Variants in TXLNB observed in about 807,000 individuals in gnomAD.
TXLNB encodes beta-taxilin.
TXLNB carries 37 observed loss-of-function variants against 57.4 expected under a neutral mutation model. The ratio of observed to expected loss-of-function variants is 0.64; its 90% CI spans 0.50 to 0.85. TXLNB has a LOEUF of 0.85. Ranked by LOEUF, TXLNB falls within the 40% of genes least tolerant of loss-of-function variation. TXLNB has a pLI of 0.00. For synonymous variants in TXLNB, 302 were observed against 309.6 expected, an observed-to-expected ratio of 0.98 and a Z score of 0.26; for missense variants, 848 against 825.6, an observed-to-expected ratio of 1.03 and a Z score of -0.33.
chr6:139,199,277 G>A, the TXLNB span, among the ~76,000 whole-genome samples: 2 of 152,004 alleles, frequency 1.3e-5, no homozygotes, highest in Non-Finnish European at 2.9e-5. Context: ...TTTTCACTAA[G>A]TTCTTTCTCC....
intron 2 of TXLNB, among the ~76,000 whole-genome samples, chr6:139,279,955 G>A (rs936785045): frequency 6.6e-6 from 1 of 152,178 alleles, no homozygotes; most frequent in Non-Finnish European, 1.5e-5. Flanking sequence ...TTATTGGAAG[G>A]TGGAGAAATT....
chr6:139,257,307 C>A (rs1562276755), intron 6 of TXLNB, among the ~76,000 whole-genome samples: 1 of 152,084 alleles, frequency 6.6e-6, no homozygotes, highest in African/African-American at 2.4e-5. Context: ...TATAGCTACT[C>A]ATATCTAGTT....
At chr6:139,301,015 T>C in the TXLNB span, among the ~76,000 whole-genome samples, 1 of 152,182 alleles carries the variant, frequency 6.6e-6, no homozygotes, top group Non-Finnish European at 1.5e-5. Context: ...TCTGTATAAA[T>C]TTGGAATTGT....
the TXLNB span, chr6:139,166,660 T>G: frequency 6.2e-7 from 1 of 1,613,716 alleles, no homozygotes; most frequent in African/African-American, 1.3e-5. Context: ...GGCCTCCTGG[T>G]GAGGCGGCGG....
chr6:139,275,035 C>T (rs541384956), intron 3 of TXLNB, among the ~76,000 whole-genome samples: 41 of 152,290 alleles, frequency 2.7e-4, no homozygotes, highest in Non-Finnish European at 4.9e-4. Flanking sequence ...TACACTGATA[C>T]TTGCTTTGTG....
chr6:139,209,155 C>A, the TXLNB span, among the ~76,000 whole-genome samples: 3 of 152,084 alleles, frequency 2.0e-5, no homozygotes, highest in Non-Finnish European at 2.9e-5. Context: ...AATGACCAAG[C>A]TGAGAATCAA....
chr6:139,193,840 A>ATATATATATAT, the TXLNB span, among the ~76,000 whole-genome samples: 8 of 85,228 alleles, frequency 9.4e-5, no homozygotes, highest in Non-Finnish European at 1.7e-4. Context: ...ATATATATAT[A>ATATATATATAT]TTTTTTTTTT....
At chr6:139,212,103 A>G in the TXLNB span, among the ~76,000 whole-genome samples, 52 of 152,342 alleles carry the variant, frequency 3.4e-4, 1 homozygote, top group African/African-American at 1.2e-3. Flanking sequence ...GCAGGCCAAC[A>G]TTCAAATTCA....
the TXLNB span, among the ~76,000 whole-genome samples, chr6:139,228,217 C>T: frequency 6.6e-6 from 1 of 152,080 alleles, no homozygotes; most frequent in Admixed American, 6.6e-5. Flanking sequence ...ACCATACCCT[C>T]TTAAAAAGGG....
the TXLNB span, among the ~76,000 whole-genome samples, chr6:139,211,054 G>T: frequency 6.6e-6 from 1 of 152,224 alleles, no homozygotes; most frequent in Non-Finnish European, 1.5e-5. Context: ...ACCTCTGGGG[G>T]CAGGGCACAG....
the TXLNB span, among the ~76,000 whole-genome samples, chr6:139,310,842 T>C: frequency 6.6e-6 from 1 of 152,152 alleles, no homozygotes; most frequent in Non-Finnish European, 1.5e-5. Flanking sequence ...TTACAGGCAC[T>C]GGCCACCATG....
intron 5 of TXLNB, among the ~76,000 whole-genome samples, chr6:139,260,711 T>C (rs949658901): frequency 5.3e-5 from 8 of 152,182 alleles, no homozygotes; most frequent in African/African-American, 1.7e-4. Flanking sequence ...ACAATATTTT[T>C]CTACGTTTGG....
At chr6:139,177,086 A>G in the TXLNB span, 18 of 858,326 alleles carry the variant, frequency 2.1e-5, no homozygotes, top group Admixed American at 1.0e-4. The surrounding 1 kb of genome is among the most constrained non-coding windows in gnomAD (Gnocchi z 4.9). Flanking sequence ...TCCTCCTTCA[A>G]AGTTCTCGAA....
chr6:139,244,747 C>A, intron 8 of TXLNB, 57 bp from the exon 9 acceptor site: 2 of 1,202,728 alleles, frequency 1.7e-6, no homozygotes, highest in African/African-American at 3.0e-5. Context: ...ATCAAGGAAG[C>A]TATTAGCTCC....
chr6:139,296,963 T>C (rs557692702), upstream of TXLNB, among the ~76,000 whole-genome samples: 13 of 152,312 alleles, frequency 8.5e-5, no homozygotes, highest in East Asian at 1.9e-3. Context: ...CCTGCTTTAC[T>C]GCCAATTTCA....
the TXLNB span, among the ~76,000 whole-genome samples, chr6:139,222,785 T>G: frequency 6.6e-6 from 1 of 152,060 alleles, no homozygotes; most frequent in African/African-American, 2.4e-5. Context: ...CCAGCCTGGG[T>G]GACAAAGCAA....
chr6:139,308,955 T>C, the TXLNB span, among the ~76,000 whole-genome samples: 1 of 152,204 alleles, frequency 6.6e-6, no homozygotes. Context: ...AGGATAAGTC[T>C]TGGTGATGGG....
the TXLNB span, among the ~76,000 whole-genome samples, chr6:139,306,008 C>T: frequency 1.3e-5 from 2 of 152,092 alleles, no homozygotes; most frequent in African/African-American, 4.8e-5. Flanking sequence ...GAAAATAGCC[C>T]TGATTGTAGC....
At chr6:139,299,116 C>G in the TXLNB span, among the ~76,000 whole-genome samples, 23 of 152,306 alleles carry the variant, frequency 1.5e-4, no homozygotes, top group Non-Finnish European at 1.9e-4. Flanking sequence ...TATTGAAACA[C>G]AAACAGACTA....
Sources: gnomAD v4.1 joint callset for allele counts (sites outside exome capture counted in the v4.1 genomes callset) on GRCh38, gnomAD v4.1.1 for gene constraint, Gnocchi (gnomAD v3.1) non-coding constraint, MANE v1.5 for transcripts, NCBI Gene and HGNC (gene_info 2026-07-23, HGNC 2026-07-21) for gene names.